Variants in SMAD2 observed in about 807,000 individuals in gnomAD.
The protein encoded by SMAD2 is SMAD family member 2.
A neutral mutation model predicts 64.4 loss-of-function variants in SMAD2; 8 were observed. The ratio of observed to expected loss-of-function variants is 0.12; its 90% confidence interval spans 0.07 to 0.22. The LOEUF (loss-of-function observed/expected upper bound fraction) is 0.22. Ranked by LOEUF, SMAD2 falls within the 10% of genes least tolerant of loss-of-function variation. The pLI is 1.00. For missense variants in SMAD2, 289 were observed against 561.2 expected (o/e 0.51, Z 4.90); for synonymous variants, 203 against 195.8 (o/e 1.04, Z -0.31).
At chr18:47,879,527 T>TGTGTGTGG (rs760334350) in intron 2 of SMAD2, among the ~76,000 whole-genome samples, 1 of 150,956 alleles carries the variant, frequency 6.6e-6, no homozygotes, top group Non-Finnish European at 1.5e-5. Context: ...TGTGTGTGTG[T>TGTGTGTGG]GGAGTCGTTT....
At chr18:47,911,964 A>G (rs1438639259) in intron 1 of SMAD2, among the ~76,000 whole-genome samples, 1 of 152,228 alleles carries the variant, frequency 6.6e-6, no homozygotes, top group Admixed American at 6.5e-5. Flanking sequence ...TATGCTCTAG[A>G]GGAGCCAACT....
At chr18:47,855,982 T>C (rs2030640355) in intron 6 of SMAD2, among the ~76,000 whole-genome samples, 1 of 152,128 alleles carries the variant, frequency 6.6e-6, no homozygotes, top group Non-Finnish European at 1.5e-5. Flanking sequence ...CATCAACAGA[T>C]GAATAAATAA....
intron 8 of SMAD2, among the ~76,000 whole-genome samples, chr18:47,847,083 T>G (rs952425689): frequency 4.6e-5 from 7 of 151,978 alleles, no homozygotes; most frequent in African/African-American, 1.7e-4. Context: ...AAAAATCCAA[T>G]AACGACAGCA....
In SMAD2 at chr18:47,831,674, C is replaced by T. The variant is rs890053108; in HGVS notation, c.*10153G>A. On this transcript the variant is annotated 3_prime_UTR_variant, in exon 11 of 11. Coordinates refer to ENST00000262160, the MANE Select transcript of SMAD2 (RefSeq NM_005901.6). The stretch of plus-strand genomic sequence containing the variant: ...TGCTTAGTCTATTGTTCATTTATCA[C>T]TGAATCTGTTATCTGCTAAGTCTGA... 2.0e-5 allele frequency: 3 copies of T among 152,154 alleles called. No homozygotes were observed. Among genetic ancestry groups the T allele is most frequent in the Non-Finnish European group, 2.9e-5 (2 of 68,030 alleles). 9.4% of individuals were successfully genotyped at this position (152,154 alleles called of 1,614,324 possible). A position where few individuals can be genotyped will look rare whatever the true frequency, so the allele number is the denominator to read the frequency against.
At position 47,893,986 on chromosome 18, in the gene SMAD2, G is replaced by A. The variant is rs567354426; in HGVS notation, c.236+2535C>T. On this transcript the variant is annotated intron_variant, in intron 2 of 10. Coordinates refer to ENST00000262160, the MANE Select transcript of SMAD2 (RefSeq NM_005901.6). Reference sequence around the variant, plus strand: ...GGCAGAAAAAAATGTTTTTAATGATGAAGCAGCTCCAGAATATGAGCTCTC... The same window carrying A: ...GGCAGAAAAAAATGTTTTTAATGATAAAGCAGCTCCAGAATATGAGCTCTC... Among the ~76,000 whole-genome samples, 3 of 152,272 alleles carry A rather than the reference G, an allele frequency of 2.0e-5. 1 individual carries two copies. The South Asian group carries it at 6.2e-4, about 32-fold the overall frequency.
At chr18:47,895,434 A>G (rs917832674) in intron 2 of SMAD2, 1 of 151,954 alleles carries the variant, frequency 6.6e-6, no homozygotes, top group Non-Finnish European at 1.5e-5. Flanking sequence ...ACTCATTACC[A>G]TATCAAATTA....
chr18:47,885,953 C>T (rs1439645442), intron 2 of SMAD2, among the ~76,000 whole-genome samples: 3 of 152,190 alleles, frequency 2.0e-5, no homozygotes, highest in South Asian at 4.1e-4. Flanking sequence ...CAGAGCCAGA[C>T]GCTGTCTCCC....
intron 2 of SMAD2, among the ~76,000 whole-genome samples, chr18:47,886,562 T>C (rs1032251993): frequency 3.1e-5 from 4 of 130,624 alleles, no homozygotes; most frequent in Non-Finnish European, 6.5e-5. Flanking sequence ...ACTATATCTA[T>C]ATCTATCCAT....
intron 7 of SMAD2, among the ~76,000 whole-genome samples, chr18:47,849,719 A>C (rs1914907127): frequency 6.6e-6 from 1 of 152,126 alleles, no homozygotes; most frequent in African/African-American, 2.4e-5. Flanking sequence ...CTGTATTTTA[A>C]AATTTGGGCC....
chr18:47,890,393 A>C (rs920335092), intron 2 of SMAD2, among the ~76,000 whole-genome samples: 1 of 152,244 alleles, frequency 6.6e-6, no homozygotes, highest in Non-Finnish European at 1.5e-5. Flanking sequence ...TGCCTGGCAA[A>C]AACTTTTTCT....
intron 2 of SMAD2, among the ~76,000 whole-genome samples, chr18:47,886,034 A>G (rs1350562530): frequency 6.6e-6 from 1 of 152,248 alleles, no homozygotes; most frequent in Non-Finnish European, 1.5e-5. Context: ...GCCATTTTAT[A>G]TAAGAGACTT....
chr18:47,872,557 C>T (rs528956271), intron 2 of SMAD2, among the ~76,000 whole-genome samples: 4 of 152,136 alleles, frequency 2.6e-5, no homozygotes, highest in South Asian at 2.1e-4. Flanking sequence ...AGACTGATAC[C>T]GGTCCACGGC....
At chr18:47,914,022 G>A (rs2034242885) in intron 1 of SMAD2, among the ~76,000 whole-genome samples, 1 of 152,170 alleles carries the variant, frequency 6.6e-6, no homozygotes, top group Admixed American at 6.5e-5. Flanking sequence ...TAAGGTAAGA[G>A]GTCTAATTAT....
intron 1 of SMAD2, among the ~76,000 whole-genome samples, chr18:47,898,413 G>C: frequency 6.6e-6 from 1 of 152,290 alleles, no homozygotes. Flanking sequence ...GTATGTTTTT[G>C]TGTATGTGTG....
chr18:47,844,394 T>G (rs983140120), intron 10 of SMAD2, among the ~76,000 whole-genome samples: 1 of 152,174 alleles, frequency 6.6e-6, no homozygotes, highest in Non-Finnish European at 1.5e-5. Context: ...GAGTAAGCAA[T>G]ACGAATTGAA....
intron 5 of SMAD2, among the ~76,000 whole-genome samples, chr18:47,866,123 C>A (rs559053821): frequency 3.2e-4 from 48 of 152,016 alleles, no homozygotes; most frequent in African/African-American, 1.2e-3. Context: ...TCGAGACCAG[C>A]CTGACAAACA....
rs1348005968 is a variant in SMAD2, at chr18:47,811,726, G to A, written c.*30101C>T. 6.6e-6 allele frequency: 1 copy of A among 152,148 alleles called. No homozygotes were observed. Among genetic ancestry groups the A allele is most frequent in the Non-Finnish European group, 1.5e-5 (1 of 68,028 alleles). 9.4% of individuals were successfully genotyped at this position (152,148 alleles called of 1,614,324 possible). On this transcript the variant is annotated 3_prime_UTR_variant, in exon 11 of 11. Coordinates refer to ENST00000262160, the MANE Select transcript of SMAD2 (RefSeq NM_005901.6). The stretch of plus-strand genomic sequence containing the variant: ...CCTATGAAAGGCAAAGAGCAGGGTG[G>A]AGGAAACATACCATGCATTTCAAGG...
Position 47,824,370 on chromosome 18 carries a change from A to G in SMAD2, c.*17457T>C, listed in dbSNP as rs905151759. ...GAAAATACTTTTGGGACATCTGCCT[A>G]GAAGCCGATTGTCCAAACCCGAACT... On this transcript the variant is annotated 3_prime_UTR_variant, in exon 11 of 11. Transcript: ENST00000262160. 2.6e-5 allele frequency: 4 copies of G among 152,270 alleles called. No homozygotes were observed. The highest frequency in any genetic ancestry group is 9.6e-5 in the African/African-American group (4 of 41,472). 9.4% of individuals were successfully genotyped at this position (152,270 alleles called of 1,614,324 possible). A position where few individuals can be genotyped will look rare whatever the true frequency, so the allele number is the denominator to read the frequency against.
intron 6 of SMAD2, among the ~76,000 whole-genome samples, chr18:47,858,341 A>T (rs2030895384): frequency 6.6e-6 from 1 of 152,216 alleles, no homozygotes; most frequent in African/African-American, 2.4e-5. Flanking sequence ...GGTCACATAC[A>T]TATTATCACT....
Sources: gnomAD v4.1 joint callset for allele counts (sites outside exome capture counted in the v4.1 genomes callset) on GRCh38, gnomAD v4.1.1 for gene constraint, MANE v1.5 for transcripts, NCBI Gene and HGNC (gene_info 2026-07-23, HGNC 2026-07-21) for gene names.